Variants in GPHN observed in about 807,000 individuals in gnomAD.
GPHN encodes gephyrin.
GPHN carries 17 observed loss-of-function variants against 95.5 expected under a neutral mutation model. The observed-to-expected ratio is 0.18, with a 90% CI of 0.12 to 0.27. GPHN has a LOEUF of 0.27. Ranked by LOEUF, GPHN falls within the 10% of genes least tolerant of loss-of-function variation. The probability of loss-of-function intolerance (pLI) is 1.00; values close to 1 mark genes in which losing one functional copy is unlikely to be tolerated. For synonymous variants in GPHN, 320 were observed against 322.5 expected (o/e 0.99, Z 0.08); for missense variants, 660 against 978.1 (o/e 0.67, Z 4.34).
At chr14:66,740,943 C>A (rs1211568569) in intron 2 of GPHN, among the ~76,000 whole-genome samples, 1 of 152,088 alleles carries the variant, frequency 6.6e-6, no homozygotes, top group Non-Finnish European at 1.5e-5. Flanking sequence ...CCGGGAAGTC[C>A]AGTATCAAGG....
At chr14:66,591,195 T>C (rs1268600169) in intron 1 of GPHN, among the ~76,000 whole-genome samples, 1 of 152,138 alleles carries the variant, frequency 6.6e-6, no homozygotes, top group African/African-American at 2.4e-5. Context: ...CCGCAGCCAA[T>C]ATAATACTGA....
the GPHN span, chr14:67,279,096 T>C: frequency 7.4e-7 from 1 of 1,358,098 alleles, no homozygotes; most frequent in Non-Finnish European, 9.7e-7. Context: ...ATGGATTTTA[T>C]ACTACAGAAT....
chr14:67,240,348 A>G, the GPHN span, among the ~76,000 whole-genome samples: 5 of 152,190 alleles, frequency 3.3e-5, no homozygotes, highest in Admixed American at 2.6e-4. Flanking sequence ...GAAAATCAGG[A>G]CCTGAGGACA....
intron 11 of GPHN, among the ~76,000 whole-genome samples, chr14:67,077,154 T>C (rs2076526915): frequency 6.6e-6 from 1 of 152,186 alleles, no homozygotes; most frequent in Admixed American, 6.5e-5. Flanking sequence ...TTGTTTTGTT[T>C]TGTTTTGTTT....
intron 1 of GPHN, among the ~76,000 whole-genome samples, chr14:66,547,003 A>C (rs561837617): frequency 8.2e-4 from 124 of 152,016 alleles, no homozygotes; most frequent in South Asian, 1.2e-3. Context: ...GGATATCTGG[A>C]AGTGTACAGA....
Position 67,006,919 on chromosome 14 carries a change from T to G in GPHN, c.964-16714T>G, listed in dbSNP as rs539261769. Among the ~76,000 whole-genome samples the G allele has an allele frequency of 9.2e-5, 14 of 152,320 alleles. No homozygotes were observed. The South Asian group carries it at 2.9e-3, about 32-fold the overall frequency. On this transcript the variant is annotated intron_variant, in intron 9 of 22. Transcript: ENST00000478722. ...CAAATTAGGACTGATTTTAATTGTC[T>G]TATTATACAATTTCACAGCCTCATC...
intron 9 of GPHN, among the ~76,000 whole-genome samples, chr14:67,022,382 T>C (rs767785664): frequency 6.6e-6 from 1 of 152,108 alleles, no homozygotes; most frequent in Admixed American, 6.6e-5. Flanking sequence ...CAGTCATTGA[T>C]TTATTTCCCA....
the GPHN span, among the ~76,000 whole-genome samples, chr14:67,503,100 C>T: frequency 8.5e-5 from 13 of 152,230 alleles, no homozygotes; most frequent in South Asian, 1.7e-3. Flanking sequence ...TGGCGCTGCA[C>T]GGAGAGATCA....
At chr14:67,514,918 A>G in the GPHN span, among the ~76,000 whole-genome samples, 1 of 152,104 alleles carries the variant, frequency 6.6e-6, no homozygotes, top group East Asian at 1.9e-4. Flanking sequence ...CAGCCTCGAA[A>G]CCGAAAGCAA....
the GPHN span, among the ~76,000 whole-genome samples, chr14:67,223,220 G>A: frequency 2.0e-5 from 3 of 152,110 alleles, no homozygotes; most frequent in South Asian, 4.2e-4. Context: ...GGCTGGTCTC[G>A]AACTCCTGAC....
At chr14:67,166,577 G>C (rs1335318034) in intron 20 of GPHN, among the ~76,000 whole-genome samples, 1 of 152,236 alleles carries the variant, frequency 6.6e-6, no homozygotes, top group African/African-American at 2.4e-5. Context: ...TCAGATTGTA[G>C]AATGTGCAAA....
chr14:67,575,201 T>C, the GPHN span, among the ~76,000 whole-genome samples: 1 of 152,110 alleles, frequency 6.6e-6, no homozygotes, highest in African/African-American at 2.4e-5. Context: ...TAGCCCATGA[T>C]GGCTGGGGTG....
intron 3 of GPHN, among the ~76,000 whole-genome samples, chr14:66,811,153 C>G (rs1302309517): frequency 6.6e-6 from 1 of 152,038 alleles, no homozygotes; most frequent in East Asian, 1.9e-4. Flanking sequence ...CAGGGAGGAG[C>G]AGAGTAGGGA....
chr14:67,686,734 C>T, the GPHN span, among the ~76,000 whole-genome samples: 18 of 151,102 alleles, frequency 1.2e-4, no homozygotes, highest in East Asian at 3.1e-3. Context: ...TTATGGAAAA[C>T]GCTGGGGCCA....
the GPHN span, among the ~76,000 whole-genome samples, chr14:67,287,504 A>G: frequency 1.3e-5 from 2 of 152,208 alleles, no homozygotes; most frequent in Non-Finnish European, 2.9e-5. Flanking sequence ...ATAACTTGTA[A>G]AAATATGTTC....
At chr14:67,574,339 C>A in the GPHN span, 1 of 1,600,628 alleles carries the variant, frequency 6.2e-7, no homozygotes, top group Non-Finnish European at 8.5e-7. This position sits in a 1 kb window ranked among gnomAD's most constrained non-coding sequence, Gnocchi z 4.2. Flanking sequence ...AAGGTGCAGG[C>A]CACCGGGCCT....
intron 3 of GPHN, among the ~76,000 whole-genome samples, chr14:66,820,238 A>G (rs2061139321): frequency 6.6e-6 from 1 of 152,162 alleles, no homozygotes; most frequent in Non-Finnish European, 1.5e-5. Context: ...AACAATATCC[A>G]GTCCTCAAAC....
chr14:67,295,902 A>G, the GPHN span, among the ~76,000 whole-genome samples: 2 of 152,208 alleles, frequency 1.3e-5, no homozygotes, highest in African/African-American at 2.4e-5. Context: ...GAAAAGCTTA[A>G]AAACAGATGT....
intron 10 of GPHN, among the ~76,000 whole-genome samples, chr14:67,040,261 A>C (rs1227628461): frequency 1.3e-5 from 2 of 152,136 alleles, no homozygotes; most frequent in Non-Finnish European, 2.9e-5. Flanking sequence ...AAATGTTAAC[A>C]TTTTGTCACA....
Sources: gnomAD v4.1 joint callset for allele counts (sites outside exome capture counted in the v4.1 genomes callset) on GRCh38, gnomAD v4.1.1 for gene constraint, Gnocchi (gnomAD v3.1) non-coding constraint, MANE v1.5 for transcripts, NCBI Gene and HGNC (gene_info 2026-07-23, HGNC 2026-07-21) for gene names.